The following DNTT variants were observed in gnomAD, a reference collection of about 807,000 sequenced individuals.
DNTT encodes the protein DNA nucleotidylexotransferase.
A neutral mutation model predicts 60.9 loss-of-function variants in DNTT; 47 were observed. The ratio of observed to expected loss-of-function variants is 0.77; its 90% CI spans 0.61 to 0.98. DNTT has a LOEUF of 0.98. Ranked by LOEUF, DNTT falls within the 50% of genes least tolerant of loss-of-function variation. The pLI is 0.00. For synonymous variants in DNTT, 224 were observed against 221.2 expected, an observed-to-expected ratio of 1.01 and a Z score of -0.11; for missense variants, 665 against 627.5, an observed-to-expected ratio of 1.06 and a Z score of -0.64.
chr10:96,325,149 T>TA (rs1325883735), intron 6 of DNTT, among the ~76,000 whole-genome samples: 1 of 152,126 alleles, frequency 6.6e-6, no homozygotes, highest in Non-Finnish European at 1.5e-5. Flanking sequence ...ACTGTGTGTT[T>TA]AAAAAAATGT....
At chr10:96,314,899 C>G (rs1196316029) in intron 1 of DNTT, among the ~76,000 whole-genome samples, 7 of 152,188 alleles carry the variant, frequency 4.6e-5, no homozygotes, top group African/African-American at 1.2e-4. Context: ...AATAGACAAA[C>G]AGCTGCCACA....
At chr10:96,327,437 C>T in intron 6 of DNTT, 31 bp from the exon 7 acceptor site, 1 of 1,613,982 alleles carries the variant, frequency 6.2e-7, no homozygotes, top group Non-Finnish European at 8.5e-7. Context: ...ACGTGTCACT[C>T]TCTCCATTGA....
At chr10:96,326,340 G>A (rs117854715) in intron 6 of DNTT, among the ~76,000 whole-genome samples, 273 of 152,256 alleles carry the variant, frequency 1.8e-3, no homozygotes, top group Middle Eastern at 6.8e-3. Context: ...TAAAAAATAA[G>A]TATCATATTG....
intron 3 of DNTT, 136 bp from the exon 4 acceptor site, chr10:96,320,482 G>A: frequency 1.1e-6 from 1 of 933,826 alleles, no homozygotes; most frequent in East Asian, 2.6e-5. Context: ...AAGGGTATGG[G>A]AGACCCCATC....
chr10:96,305,157 C>T (rs1174847900), intron 1 of DNTT, among the ~76,000 whole-genome samples: 4 of 152,114 alleles, frequency 2.6e-5, no homozygotes, highest in Non-Finnish European at 5.9e-5. Context: ...CTGTGGTGGG[C>T]GAGGATGACT....
intron 1 of DNTT, among the ~76,000 whole-genome samples, chr10:96,315,506 G>A (rs556414605): frequency 4.0e-5 from 6 of 151,860 alleles, no homozygotes; most frequent in South Asian, 2.1e-4. Context: ...TTCATATGAC[G>A]TACAGCCTGT....
chr10:96,338,071 C>A, intron 10 of DNTT, 67 bp from the exon 11 acceptor site: 1 of 1,372,824 alleles, frequency 7.3e-7, no homozygotes. Flanking sequence ...GTAACACTTT[C>A]ACTGTGTCCA....
rs777600204 is a variant in DNTT at position 96,332,309 on chromosome 10, T to C, written c.1114-42T>C. The C allele has an allele frequency of 1.2e-5, 19 of 1,595,088 alleles. No individual in the cohort carries two copies. The African/African-American group carries it at 2.3e-4, about 19-fold the overall frequency. On this transcript the variant is annotated intron_variant, in intron 8 of 10. Coordinates refer to ENST00000371174, the MANE Select transcript of DNTT (RefSeq NM_004088.4). Reference sequence around the variant, plus strand: ...ATCCAGTGTTAAATCATAGATCTTCTTCATCAGGGCCTTTTCCTGATGCCA... The same window carrying C: ...ATCCAGTGTTAAATCATAGATCTTCCTCATCAGGGCCTTTTCCTGATGCCA...
At chr10:96,332,692 C>G in intron 9 of DNTT, 96 bp downstream of exon 9, 5 of 1,539,962 alleles carry the variant, frequency 3.2e-6, no homozygotes, top group Non-Finnish European at 4.4e-6. Flanking sequence ...GCAACAGGGG[C>G]TGGGTGACAG....
intron 1 of DNTT, among the ~76,000 whole-genome samples, chr10:96,307,322 T>TTTTA (rs1478029474): frequency 3.1e-4 from 46 of 149,638 alleles, no homozygotes; most frequent in African/African-American, 1.0e-3. Flanking sequence ...TTATGGCTGT[T>TTTTA]TTTATTTTCT....
At chr10:96,325,122 A>T (rs1007816230) in intron 6 of DNTT, among the ~76,000 whole-genome samples, 1 of 152,184 alleles carries the variant, frequency 6.6e-6, no homozygotes, top group Non-Finnish European at 1.5e-5. Context: ...AAGGAATGGC[A>T]ATACAGTGTG....
chr10:96,335,917 T>C lies in DNTT; in HGVS notation c.1386T>C (p.Tyr462=). The C allele has an allele frequency of 1.9e-6, 3 of 1,614,204 alleles. No individual in the cohort carries two copies. Among genetic ancestry groups the C allele is most frequent in the South Asian group, 2.2e-5 (2 of 91,084 alleles). The part of the protein sequence containing the change: ...SRQFERDLRR[Y]ATHERKMILD... ...AGTTTGAGAGAGACCTCCGGCGCTA[T>C]GCCACACATGAGCGGAAGATGATTC... The change falls in exon 10 of 11, where the codon TAT becomes TAC. Residue 462 remains tyrosine (Y), a synonymous_variant. Coordinates refer to ENST00000371174, the MANE Select transcript of DNTT (RefSeq NM_004088.4).
chr10:96,332,240 C>T, intron 8 of DNTT, 111 bp from the exon 9 acceptor site: 2 of 1,483,720 alleles, frequency 1.3e-6, no homozygotes, highest in Non-Finnish European at 1.8e-6. Context: ...CAAGGCCAAA[C>T]ACATGTCCAT....
chr10:96,333,365 G>A (rs1254985470), intron 9 of DNTT, among the ~76,000 whole-genome samples: 1 of 152,140 alleles, frequency 6.6e-6, no homozygotes, highest in Admixed American at 6.5e-5. Context: ...TTGTATTGTT[G>A]GTGGTGTTGT....
chr10:96,327,123 C>T (rs12253096), intron 6 of DNTT, among the ~76,000 whole-genome samples: 4 of 152,158 alleles, frequency 2.6e-5, no homozygotes, highest in South Asian at 4.1e-4. Flanking sequence ...AATCTTTATG[C>T]GTTACCTTTT....
chr10:96,320,511 C>A (rs1019304904), intron 3 of DNTT, 107 bp from the exon 4 acceptor site: 1 of 1,312,988 alleles, frequency 7.6e-7, no homozygotes, highest in Non-Finnish European at 1.1e-6. Context: ...GAAGGAAACA[C>A]GCAAGTGGTA....
At chr10:96,307,689 A>ATG (rs71034370) in intron 1 of DNTT, among the ~76,000 whole-genome samples, 6 of 109,186 alleles carry the variant, frequency 5.5e-5, no homozygotes, top group Non-Finnish European at 8.6e-5. Context: ...ATATATATGT[A>ATG]TGTGTGTGTG....
At chr10:96,334,565 G>A (rs1845045106) in intron 9 of DNTT, among the ~76,000 whole-genome samples, 1 of 152,168 alleles carries the variant, frequency 6.6e-6, no homozygotes, top group African/African-American at 2.4e-5. Context: ...CAAATTAATT[G>A]TTCTCAGCCG....
At chr10:96,326,779 A>G (rs1434641039) in intron 6 of DNTT, among the ~76,000 whole-genome samples, 1 of 152,210 alleles carries the variant, frequency 6.6e-6, no homozygotes, top group African/African-American at 2.4e-5. Flanking sequence ...ATGCTGAAGC[A>G]TGATTTGATG....
Sources: allele counts gnomAD v4.1 joint callset (sites outside exome capture counted in the v4.1 genomes callset), GRCh38; gene constraint gnomAD v4.1.1; transcripts MANE v1.5; gene names NCBI Gene and HGNC (gene_info 2026-07-23, HGNC 2026-07-21).